The following PER2 variants were observed in gnomAD, a reference collection of about 807,000 sequenced individuals.
The protein encoded by PER2 is period circadian protein homolog 2.
PER2 carries 66 observed loss-of-function variants against 121.0 expected under a neutral mutation model. The observed-to-expected ratio is 0.55, with a 90% CI of 0.45 to 0.67. The LOEUF is 0.67. PER2 is among the 30% of genes least tolerant of loss of function. The pLI is 0.00. For synonymous variants in PER2, 684 were observed against 659.9 expected, an observed-to-expected ratio of 1.04 and a Z score of -0.56; for missense variants, 1,521 against 1,635.0, an observed-to-expected ratio of 0.93 and a Z score of 1.20.
Position 238,253,427 on chromosome 2 carries a change from C to G in PER2, c.2596G>C (p.Ala866Pro). Residue 866 changes from alanine (A) to proline (P), a missense_variant, in exon 19 of 23, where the codon GCA (alanine) becomes CCA (proline). Coordinates refer to ENST00000254657, the MANE Select transcript of PER2 (RefSeq NM_022817.3). The surrounding 1 kb of genome is among the most constrained non-coding windows in gnomAD (Gnocchi z 5.6). ...LPVFPAPGTV[A>P]APPAPPHASF... The stretch of plus-strand genomic sequence containing the variant: ...GCGTGGGGAGGTGCCGGGGGTGCTG[C>G]CACAGTCCCTGGCGCTGGAAACACG... The G allele has an allele frequency of 6.2e-7, 1 of 1,611,328 alleles. No homozygotes were observed. The highest frequency in any genetic ancestry group is 8.5e-7 in the Non-Finnish European group (1 of 1,178,110).
intron 12 of PER2, among the ~76,000 whole-genome samples, chr2:238,261,215 A>C (rs552163288): frequency 3.9e-5 from 6 of 152,244 alleles, no homozygotes; most frequent in Admixed American, 1.3e-4. Context: ...TCATCAACGC[A>C]TGGCTGCAGC....
chr2:238,261,070 G>T, intron 12 of PER2, 117 bp from the exon 13 acceptor site: 1 of 1,254,822 alleles, frequency 8.0e-7, no homozygotes, highest in Non-Finnish European at 1.1e-6. Context: ...AAGGCTACAT[G>T]GCAGAGACCA....
intron 14 of PER2, among the ~76,000 whole-genome samples, chr2:238,259,266 G>A (rs531812347): frequency 5.1e-4 from 77 of 152,346 alleles, no homozygotes; most frequent in African/African-American, 1.6e-3. Flanking sequence ...GGGAGGCTTC[G>A]GCCTGAGCAC....
intron 21 of PER2, among the ~76,000 whole-genome samples, chr2:238,250,307 G>A (rs1332695465): frequency 1.3e-5 from 2 of 152,246 alleles, no homozygotes; most frequent in African/African-American, 2.4e-5. Flanking sequence ...TGTCTTCCTC[G>A]AAGGCTGTAG....
the PER2 span, chr2:238,295,821 G>T: frequency 5.8e-6 from 1 of 172,812 alleles, no homozygotes; most frequent in Non-Finnish European, 1.2e-5. Context: ...CTTTGCTACA[G>T]GGAGGAAGCC....
chr2:238,292,198 G>A (rs77293691), upstream of PER2, among the ~76,000 whole-genome samples: 8,508 of 152,268 alleles, frequency 0.056, 828 homozygotes, highest in African/African-American at 0.19. Context: ...TATCATGCTA[G>A]CTACCTACTG....
chr2:238,297,678 C>T, the PER2 span, among the ~76,000 whole-genome samples: 6 of 152,174 alleles, frequency 3.9e-5, no homozygotes, highest in African/African-American at 7.2e-5. Flanking sequence ...CAGATAGTCC[C>T]GGGCTTGCTA....
intron 6 of PER2, among the ~76,000 whole-genome samples, chr2:238,269,491 T>C (rs1696218432): frequency 7.5e-6 from 1 of 133,534 alleles, no homozygotes; most frequent in Non-Finnish European, 1.5e-5. Context: ...CACGGTGCAC[T>C]GCTGCAAACA....
At position 238,245,326 on chromosome 2, in the gene PER2, A is replaced by C. The variant is rs929862550; in HGVS notation, c.*1049T>G. 1 of 369,610 alleles carries C rather than the reference A, an allele frequency of 2.7e-6. No individual in the cohort carries two copies. The highest frequency in any genetic ancestry group is 4.8e-6 in the Non-Finnish European group (1 of 207,994). The allele number at this position is 369,610 out of a possible 1,614,324, so 22.9% of individuals were successfully genotyped here. ...TGCTCCGAGAGAGGTCGGGCTCATG[A>C]AAAGAATGAGGGCTGTGCACCCAAC... On this transcript the variant is annotated 3_prime_UTR_variant, in exon 23 of 23. Coordinates refer to ENST00000254657, the MANE Select transcript of PER2 (RefSeq NM_022817.3).
chr2:238,255,343 A>G (rs1367651261), intron 18 of PER2: 12 of 462,180 alleles, frequency 2.6e-5, no homozygotes, highest in South Asian at 2.2e-4. Context: ...GGTCCCGTCC[A>G]GGTGGGGCCC....
intron 3 of PER2, among the ~76,000 whole-genome samples, chr2:238,276,132 C>T (rs1038330293): frequency 6.8e-6 from 1 of 146,626 alleles, no homozygotes; most frequent in Non-Finnish European, 1.5e-5. Context: ...ATGTTCTGGT[C>T]TGGGTGGCCC....
chr2:238,281,944 G>A (rs970398592), intron 1 of PER2, among the ~76,000 whole-genome samples: 2 of 152,200 alleles, frequency 1.3e-5, no homozygotes, highest in East Asian at 1.9e-4. Context: ...GGGAGGCTAC[G>A]CATCCTGTCC....
rs1489639002 is a variant in PER2, at chr2:238,284,588, C to A, written c.-20+3761G>T. On this transcript the variant is annotated intron_variant, in intron 1 of 22. Coordinates refer to ENST00000254657, the MANE Select transcript of PER2 (RefSeq NM_022817.3). ...AAGGACTAAGAACTCAGTGCCACCTCCAGCCCAGGCAGTCCTTAGAGGAGC... is the reference window on the plus strand; with the variant it reads ...AAGGACTAAGAACTCAGTGCCACCTACAGCCCAGGCAGTCCTTAGAGGAGC... 2.0e-5 allele frequency among the ~76,000 whole-genome samples: 3 copies of A among 152,204 alleles called. No homozygotes were observed. The East Asian group carries it at 5.8e-4, about 29-fold the overall frequency.
At chr2:238,273,235 T>C in intron 4 of PER2, 44 bp from the exon 5 acceptor site, 2 of 1,604,524 alleles carry the variant, frequency 1.2e-6, no homozygotes, top group Non-Finnish European at 1.7e-6. Context: ...AACCCAGCGC[T>C]TGGCCGGAGA....
intron 18 of PER2, chr2:238,255,157 A>G (rs1461224016): frequency 4.9e-6 from 1 of 202,586 alleles, no homozygotes; most frequent in Non-Finnish European, 1.0e-5. Context: ...AGCTTCCCAC[A>G]CCATGACCAT....
At chr2:238,265,396 A>C in intron 9 of PER2, 116 bp downstream of exon 9, 1 of 718,022 alleles carries the variant, frequency 1.4e-6, no homozygotes. Context: ...GCCTGTATAT[A>C]ATTACATGTT....
chr2:238,299,924 G>C, the PER2 span: 1 of 152,258 alleles, frequency 6.6e-6, no homozygotes, highest in Non-Finnish European at 1.5e-5. Context: ...CTCAGCTCTG[G>C]TCAGAACTGT....
In PER2 at chr2:238,244,360, T is replaced by G. The variant is rs1345284557; in HGVS notation, c.*2015A>C. On this transcript the variant is annotated 3_prime_UTR_variant, in exon 23 of 23. Coordinates refer to ENST00000254657, the MANE Select transcript of PER2 (RefSeq NM_022817.3). ...TAAACAAATTCACAAGATGATCCTA[T>G]TAAGTCAACTGCTTGGCACGCGCTG... 3 of 152,626 alleles carry G rather than the reference T, an allele frequency of 2.0e-5. No individual in the cohort carries two copies. Among genetic ancestry groups the G allele is most frequent in the African/African-American group, 4.8e-5 (2 of 41,474 alleles). 9.5% of individuals were successfully genotyped at this position (152,626 alleles called of 1,614,324 possible).
intron 16 of PER2, among the ~76,000 whole-genome samples, chr2:238,257,398 G>A: frequency 6.6e-6 from 1 of 152,242 alleles, no homozygotes; most frequent in East Asian, 1.9e-4. Flanking sequence ...CCTGCAGCCA[G>A]GCAGCCCTTC....
Sources: allele counts gnomAD v4.1 joint callset (sites outside exome capture counted in the v4.1 genomes callset), GRCh38; gene constraint gnomAD v4.1.1; non-coding constraint Gnocchi (gnomAD v3.1); transcripts MANE v1.5; gene names NCBI Gene and HGNC (gene_info 2026-07-23, HGNC 2026-07-21).